The following PLEKHB2 variants were observed in gnomAD, a reference collection of about 807,000 sequenced individuals.
PLEKHB2 encodes the protein pleckstrin homology domain-containing family B member 2.
In PLEKHB2, 31 loss-of-function variants were observed where a neutral mutation model predicts 36.5. The ratio of observed to expected loss-of-function variants is 0.85; its 90% confidence interval spans 0.64 to 1.15. The LOEUF (loss-of-function observed/expected upper bound fraction) is 1.15, where lower values mean the gene tolerates loss of function less well. Ranked by LOEUF, PLEKHB2 falls within the 50% of genes most tolerant of loss-of-function variation. PLEKHB2 has a pLI of 0.00. For missense variants in PLEKHB2, 262 were observed against 295.3 expected, an observed-to-expected ratio of 0.89 and a Z score of 0.83; for synonymous variants, 119 against 112.0, an observed-to-expected ratio of 1.06 and a Z score of -0.39.
In PLEKHB2 at chr2:131,132,895, C is replaced by T; in HGVS notation, c.334-7C>T. 6.4e-7 allele frequency: 1 copy of T among 1,572,432 alleles called. No homozygotes were observed. Among genetic ancestry groups the T allele is most frequent in the Non-Finnish European group, 8.8e-7 (1 of 1,141,986 alleles). On this transcript the variant is annotated splice_region_variant and splice_polypyrimidine_tract_variant and intron_variant, in intron 5 of 7. Transcript: ENST00000693505. ...GTCCTGTCCTCACCCTCTCCTGTCT[C>T]CCGCAGGCGTATGTGGGCTCTGCAG... is the stretch of plus-strand genomic sequence containing the variant.
intron 6 of PLEKHB2, among the ~76,000 whole-genome samples, chr2:131,133,725 AAACCCTGTCAATCACTG>A (rs1697951275): frequency 6.6e-6 from 1 of 152,164 alleles, no homozygotes; most frequent in South Asian, 2.1e-4. Context: ...CTGCTTCCCT[AAACCCTGTCAATCACTG>A]AACTGTTCTC....
At chr2:131,125,130 TAG>T (rs1262174777) in intron 2 of PLEKHB2, among the ~76,000 whole-genome samples, 1 of 152,228 alleles carries the variant, frequency 6.6e-6, no homozygotes, top group Admixed American at 6.5e-5. Flanking sequence ...TATTTGCGTA[TAG>T]AGACTTCACA....
intron 2 of PLEKHB2, among the ~76,000 whole-genome samples, chr2:131,125,371 TA>T (rs1469846687): frequency 2.6e-5 from 4 of 152,264 alleles, no homozygotes; most frequent in Non-Finnish European, 4.4e-5. Flanking sequence ...TGCAGCCTGT[TA>T]AAGCACCAGT....
intron 1 of PLEKHB2, among the ~76,000 whole-genome samples, chr2:131,115,108 G>A (rs1464199012): frequency 1.3e-5 from 2 of 152,122 alleles, no homozygotes; most frequent in Non-Finnish European, 2.9e-5. Flanking sequence ...GGCAAATGAG[G>A]AACAAAGTCA....
At chr2:131,125,570 T>G (rs1283299345) in intron 2 of PLEKHB2, among the ~76,000 whole-genome samples, 183 bp from the exon 3 acceptor site, 1 of 152,174 alleles carries the variant, frequency 6.6e-6, no homozygotes, top group Non-Finnish European at 1.5e-5. Flanking sequence ...CTGAGCATGG[T>G]GGCATGTGCC....
chr2:131,125,662 G>A (rs1697012301), intron 2 of PLEKHB2, 91 bp from the exon 3 acceptor site: 1 of 1,039,842 alleles, frequency 9.6e-7, no homozygotes, highest in Admixed American at 2.4e-5. Flanking sequence ...CTATGATCAT[G>A]TTTGTGAATA....
At chr2:131,110,317 G>A (rs200753172) in intron 1 of PLEKHB2, among the ~76,000 whole-genome samples, 2 of 129,452 alleles carry the variant, frequency 1.5e-5, no homozygotes, top group African/African-American at 5.7e-5. Flanking sequence ...AGTCTGGACT[G>A]TTTTTTTTTT....
At chr2:131,110,520 C>T (rs1463066770) in intron 1 of PLEKHB2, among the ~76,000 whole-genome samples, 1 of 152,082 alleles carries the variant, frequency 6.6e-6, no homozygotes, top group African/African-American at 2.4e-5. Context: ...GGACTACAGG[C>T]GTGCACCACT....
intron 7 of PLEKHB2, among the ~76,000 whole-genome samples, chr2:131,145,942 G>A (rs1246408411): frequency 2.6e-5 from 4 of 152,054 alleles, no homozygotes; most frequent in Non-Finnish European, 5.9e-5. Context: ...CAGCACTTTG[G>A]GAGGCCGACG....
intron 7 of PLEKHB2, among the ~76,000 whole-genome samples, chr2:131,142,250 T>C (rs1246062400): frequency 1.3e-5 from 2 of 152,236 alleles, no homozygotes; most frequent in Non-Finnish European, 2.9e-5. Flanking sequence ...ATCAATGTTA[T>C]AATGAAACTA....
intron 3 of PLEKHB2, 136 bp from the exon 4 acceptor site, chr2:131,126,548 G>A (rs1697124924): frequency 1.5e-6 from 1 of 653,150 alleles, no homozygotes; most frequent in Non-Finnish European, 2.7e-6. Flanking sequence ...CTGCATTCTT[G>A]GAAAGGCAGA....
chr2:131,110,127 T>A (rs1422166036), intron 1 of PLEKHB2, among the ~76,000 whole-genome samples: 1 of 151,472 alleles, frequency 6.6e-6, no homozygotes, highest in East Asian at 1.9e-4. Context: ...AAAAAAAAAA[T>A]AGTATTTTAT....
In PLEKHB2 at chr2:131,117,521, A is replaced by G. The variant is rs183648782; in HGVS notation, c.-8-3413A>G. On this transcript the variant is annotated intron_variant, in intron 1 of 7. Coordinates refer to ENST00000693505, the MANE Select transcript of PLEKHB2 (RefSeq NM_001100623.2). ...TCACTGTGTCCTGTAACCGCCTGCG[A>G]AGTTGCATGGCTGTGTTTCAGTCAG... Among the ~76,000 whole-genome samples, 152 of 152,328 alleles carry G rather than the reference A, an allele frequency of 1.0e-3. 1 individual carries two copies. The highest frequency in any genetic ancestry group is 3.4e-3 in the African/African-American group (140 of 41,576).
intron 7 of PLEKHB2, chr2:131,144,379 G>A (rs1385847467): frequency 8.4e-7 from 1 of 1,194,404 alleles, no homozygotes; most frequent in African/African-American, 1.6e-5. Flanking sequence ...TGGCTCCTTT[G>A]GTTGGAGTCT....
rs773420812 is a variant in PLEKHB2, at chr2:131,140,204, C to T, written c.461C>T (p.Pro154Leu). ...YGYGPYGGAY[P>L]PGTQVVYAAN... Reference sequence around the variant, plus strand: ...TATGGGCCATACGGTGGTGCGTACCCGCCAGGAACTCAAGTTGTCTACGCT... The same window carrying T: ...TATGGGCCATACGGTGGTGCGTACCTGCCAGGAACTCAAGTTGTCTACGCT... Residue 154 changes from proline (P) to leucine (L), a missense_variant, in exon 7 of 8, where the codon CCG (proline) becomes CTG (leucine). Transcript: ENST00000693505. 1.1e-5 allele frequency: 17 copies of T among 1,613,532 alleles called. No homozygotes were observed. The South Asian group carries it at 1.2e-4, about 11-fold the overall frequency.
chr2:131,128,140 C>T (rs1697283059), intron 4 of PLEKHB2, among the ~76,000 whole-genome samples: 1 of 152,196 alleles, frequency 6.6e-6, no homozygotes, highest in Non-Finnish European at 1.5e-5. Context: ...AACACCTAGC[C>T]ATCAAACTGT....
At chr2:131,128,555 TTA>T (rs1334617060) in intron 4 of PLEKHB2, among the ~76,000 whole-genome samples, 2 of 152,194 alleles carry the variant, frequency 1.3e-5, no homozygotes, top group Admixed American at 6.5e-5. Context: ...GGGCAGAGAT[TTA>T]TGTTTCTTTT....
chr2:131,141,531 TCGGGAGGCTGAGGCTGC>T (rs1698783572), intron 7 of PLEKHB2, among the ~76,000 whole-genome samples: 1 of 150,634 alleles, frequency 6.6e-6, no homozygotes, highest in Non-Finnish European at 1.5e-5. Context: ...TTCCAGCTAC[TCGGGAGGCTGAGGCTGC>T]AGGATGGCAT....
chr2:131,135,367 G>A (rs769743123), intron 6 of PLEKHB2, among the ~76,000 whole-genome samples: 35 of 152,056 alleles, frequency 2.3e-4, no homozygotes, highest in African/African-American at 7.5e-4. Flanking sequence ...GTGCCTGGTC[G>A]GCGCCTGTAA....
Sources: allele counts gnomAD v4.1 joint callset (sites outside exome capture counted in the v4.1 genomes callset), GRCh38; gene constraint gnomAD v4.1.1; transcripts MANE v1.5; gene names NCBI Gene and HGNC (gene_info 2026-07-23, HGNC 2026-07-21).